Variants in ARCN1 observed in about 807,000 individuals in gnomAD.
ARCN1 encodes the protein coatomer subunit delta.
In ARCN1, 5 loss-of-function variants were observed where a neutral mutation model predicts 60.4. The observed-to-expected ratio is 0.08, with a 90% CI of 0.04 to 0.17. The LOEUF (loss-of-function observed/expected upper bound fraction) is 0.17. Ranked by LOEUF, ARCN1 falls within the 10% of genes least tolerant of loss-of-function variation. The pLI is 1.00. For missense variants in ARCN1, 464 were observed against 626.5 expected (o/e 0.74, Z 2.77); for synonymous variants, 224 against 220.0 (o/e 1.02, Z -0.16).
intron 2 of ARCN1, among the ~76,000 whole-genome samples, chr11:118,582,777 A>G (rs1211712348): frequency 6.6e-6 from 1 of 150,958 alleles, no homozygotes; most frequent in Non-Finnish European, 1.5e-5. Context: ...GCAGTGGCTC[A>G]CGCCTGTAAT....
At chr11:118,600,367 G>C (rs1476340679) in intron 9 of ARCN1, among the ~76,000 whole-genome samples, 1 of 152,134 alleles carries the variant, frequency 6.6e-6, no homozygotes, top group Non-Finnish European at 1.5e-5. Context: ...CACTCATTTT[G>C]GAGCTTTTAC....
intron 1 of ARCN1, among the ~76,000 whole-genome samples, chr11:118,578,874 C>CT (rs56050047): frequency 4.9e-4 from 41 of 83,462 alleles, no homozygotes; most frequent in African/African-American, 1.2e-3. Context: ...CCCCGTCTCT[C>CT]TTTTTTTTTT....
intron 2 of ARCN1, among the ~76,000 whole-genome samples, chr11:118,582,386 T>A (rs1938676967): frequency 6.6e-6 from 1 of 152,026 alleles, no homozygotes; most frequent in Non-Finnish European, 1.5e-5. Context: ...TATCTTGGCG[T>A]CCCGAAGTGC....
At chr11:118,573,545 T>G (rs553385435) in intron 1 of ARCN1, 2 of 548,348 alleles carry the variant, frequency 3.6e-6, no homozygotes, top group South Asian at 4.3e-5. Context: ...AGTAATTTAT[T>G]TTTCAGTGCA....
At chr11:118,597,592 A>T in intron 8 of ARCN1, 115 bp from the exon 9 acceptor site, 1 of 1,050,066 alleles carries the variant, frequency 9.5e-7, no homozygotes, top group African/African-American at 1.6e-5. Flanking sequence ...TTTCCCCTGA[A>T]ATTGTAGTCC....
chr11:118,579,421 C>G (rs1289124408), intron 1 of ARCN1, among the ~76,000 whole-genome samples: 1 of 151,794 alleles, frequency 6.6e-6, no homozygotes, highest in East Asian at 1.9e-4. Flanking sequence ...CCTGTAATCT[C>G]AGCACTTTGG....
chr11:118,592,770 C>T lies in ARCN1; in HGVS notation c.1046C>T (p.Pro349Leu). Residue 349 changes from proline to leucine, a missense_variant, in exon 7 of 10, where the codon CCA becomes CTA. Coordinates refer to ENST00000264028, the MANE Select transcript of ARCN1 (RefSeq NM_001655.5). ...TAESLIGLKN[P>L]EKSFPVNSDV... ...GAGTCTCTAATTGGCCTGAAGAATC[C>T]AGAGAAGTCATTTCCAGTCAACAGT... 1 of 1,613,962 alleles carries T rather than the reference C, an allele frequency of 6.2e-7. No homozygotes were observed. Among genetic ancestry groups the T allele is most frequent in the Non-Finnish European group, 8.5e-7 (1 of 1,179,912 alleles).
chr11:118,589,399 A>G (rs1205671949), intron 5 of ARCN1, among the ~76,000 whole-genome samples: 1 of 152,142 alleles, frequency 6.6e-6, no homozygotes, highest in Non-Finnish European at 1.5e-5. Context: ...ACCATTGCCT[A>G]CTATTCATTC....
chr11:118,576,451 C>T (rs868978226), intron 1 of ARCN1, among the ~76,000 whole-genome samples: 1 of 80,030 alleles, frequency 1.2e-5, no homozygotes, highest in Non-Finnish European at 2.6e-5. Context: ...AAAAAAAAAC[C>T]AAAAACTTTG....
intron 8 of ARCN1, among the ~76,000 whole-genome samples, chr11:118,595,117 C>T (rs1188292396): frequency 6.6e-6 from 1 of 152,216 alleles, no homozygotes; most frequent in African/African-American, 2.4e-5. Flanking sequence ...TCCCAAAGTG[C>T]TGGGATTACA....
At chr11:118,587,012 G>T (rs1555075585) in intron 5 of ARCN1, among the ~76,000 whole-genome samples, 1 of 152,090 alleles carries the variant, frequency 6.6e-6, no homozygotes, top group African/African-American at 2.4e-5. Context: ...CTCCTTTATG[G>T]TCTTGACTCT....
intron 1 of ARCN1, among the ~76,000 whole-genome samples, chr11:118,580,643 T>G (rs1184363669): frequency 6.6e-6 from 1 of 152,178 alleles, no homozygotes; most frequent in Admixed American, 6.5e-5. Context: ...ACTGTTCAAA[T>G]TTGATTTATA....
chr11:118,590,223 C>G, intron 5 of ARCN1, 118 bp from the exon 6 acceptor site: 2 of 696,802 alleles, frequency 2.9e-6, no homozygotes, highest in Non-Finnish European at 2.3e-6. Context: ...TCGAACTCCC[C>G]ACCTCAGGTG....
intron 1 of ARCN1, among the ~76,000 whole-genome samples, chr11:118,575,411 G>GGTGTGTGT (rs56934953): frequency 0.11 from 16,743 of 149,104 alleles, 1,422 homozygotes; most frequent in East Asian, 0.43. Context: ...ACTGATAACG[G>GGTGTGTGT]GTGTGTGTGT....
Position 118,599,134 on chromosome 11 carries a change from C to T in ARCN1, c.1446+1223C>T, listed in dbSNP as rs1939095516. Among the ~76,000 whole-genome samples the T allele has an allele frequency of 2.6e-5, 4 of 151,284 alleles. No homozygotes were observed. In the South Asian group the frequency reaches 6.3e-4, roughly 24 times the overall value. On this transcript the variant is annotated intron_variant, in intron 9 of 9. Transcript: ENST00000264028. Reference sequence around the variant, plus strand: ...TAAGACGGAGTTTCACTCTTGTTGCCCAGGCTGGAGTGCAATGGCGTGATG... The same window carrying T: ...TAAGACGGAGTTTCACTCTTGTTGCTCAGGCTGGAGTGCAATGGCGTGATG...
chr11:118,599,050 T>C (rs1555077696), intron 9 of ARCN1, among the ~76,000 whole-genome samples: 1 of 150,850 alleles, frequency 6.6e-6, no homozygotes, highest in East Asian at 2.0e-4. Context: ...CACCTCAGCC[T>C]CCCAAAGTGC....
intron 6 of ARCN1, 41 bp from the exon 7 acceptor site, chr11:118,592,668 C>A: frequency 6.4e-7 from 1 of 1,563,368 alleles, no homozygotes; most frequent in Non-Finnish European, 8.7e-7. Context: ...TGTTTCTCGT[C>A]TATCTGAACC....
At chr11:118,585,245 C>A (rs114661377) in intron 5 of ARCN1, among the ~76,000 whole-genome samples, 1 of 152,114 alleles carries the variant, frequency 6.6e-6, no homozygotes, top group African/African-American at 2.4e-5. Flanking sequence ...TACAGGCATG[C>A]GTTGCTGCAC....
At chr11:118,587,751 C>T (rs1263701868) in intron 5 of ARCN1, among the ~76,000 whole-genome samples, 4 of 152,142 alleles carry the variant, frequency 2.6e-5, no homozygotes, top group African/African-American at 9.7e-5. Context: ...AGAGTTCAGT[C>T]CCCCAAGACT....
Sources: gnomAD v4.1 joint callset for allele counts (sites outside exome capture counted in the v4.1 genomes callset) on GRCh38, gnomAD v4.1.1 for gene constraint, MANE v1.5 for transcripts, NCBI Gene and HGNC (gene_info 2026-07-23, HGNC 2026-07-21) for gene names.